Variants in KRT76 observed in about 807,000 individuals in gnomAD.
KRT76 encodes the protein keratin, type II cytoskeletal 2 oral.
A neutral mutation model predicts 44.9 loss-of-function variants in KRT76; 47 were observed. The ratio of observed to expected loss-of-function variants is 1.05; its 90% CI spans 0.83 to 1.33. The LOEUF is 1.33. Among genes scored for constraint, KRT76 ranks in the 40% most tolerant of loss-of-function variants. The probability of loss-of-function intolerance (pLI) is 0.00; values close to 1 mark genes in which losing one functional copy is unlikely to be tolerated. For missense variants in KRT76, 860 were observed against 775.8 expected, an observed-to-expected ratio of 1.11 and a Z score of -1.29; for synonymous variants, 331 against 294.1, an observed-to-expected ratio of 1.13 and a Z score of -1.28.
Position 52,772,292 on chromosome 12 carries a change from G to A in KRT76, c.973-34C>T, listed in dbSNP as rs781104936. The A allele has an allele frequency of 4.4e-5, 68 of 1,550,508 alleles. No individual in the cohort carries two copies. The Admixed American group carries it at 1.2e-3, about 26-fold the overall frequency. On this transcript the variant is annotated intron_variant, in intron 4 of 8. Coordinates refer to ENST00000332411, the MANE Select transcript of KRT76 (RefSeq NM_015848.4). ...AACATGGATAGTTACTCTTACCATC[G>A]CCTGGACCAGGGGATGCTGGGAATC...
chr12:52,769,990 C>T (rs1939155163), intron 7 of KRT76, among the ~76,000 whole-genome samples: 1 of 152,128 alleles, frequency 6.6e-6, no homozygotes, highest in African/African-American at 2.4e-5. Flanking sequence ...ATGGGCCCTC[C>T]TGGGGTGGTG....
Position 52,768,746 on chromosome 12 carries a change from G to A in KRT76, c.1884C>T (p.Thr628=). The change falls in exon 9 of 9, where the codon ACC becomes ACT. Residue 628 remains threonine, a synonymous_variant. Coordinates refer to ENST00000332411, the MANE Select transcript of KRT76 (RefSeq NM_015848.4). ...TGGAGCTATGCTGGCTTGAGCTCGTGGTCTGGGAGAAGCGGATACTGGTGC... is the reference window on the plus strand; with the variant it reads ...TGGAGCTATGCTGGCTTGAGCTCGTAGTCTGGGAGAAGCGGATACTGGTGC... The part of the protein sequence containing the change: ...GGSTSIRFSQ[T]TSSSQHSSTK 1.2e-6 allele frequency: 2 copies of A among 1,605,868 alleles called. No homozygotes were observed. Among genetic ancestry groups the A allele is most frequent in the Non-Finnish European group, 1.7e-6 (2 of 1,173,262 alleles).
chr12:52,775,444 C>T lies in KRT76; in HGVS notation c.759G>A (p.Gly253=). ...TGCTTTTCAGCTCTCCCTCCAGGTT[C>T]CCCCTCTCCCCTAGAAGTGAATCTA... The part of the protein sequence containing the change: ...KQLDSLLGER[G]NLEGELKSMQ... Residue 253 remains glycine, a synonymous_variant, in exon 2 of 9, where the codon GGG becomes GGA. Transcript: ENST00000332411. The T allele has an allele frequency of 1.9e-6, 3 of 1,614,128 alleles. No homozygotes were observed. The highest frequency in any genetic ancestry group is 1.7e-6 in the Non-Finnish European group (2 of 1,179,990).
rs1297181904 is a variant in KRT76 at position 52,777,091 on chromosome 12, G to C, written c.201C>G (p.Ile67Met). The C allele has an allele frequency of 6.2e-7, 1 of 1,614,102 alleles. No individual in the cohort carries two copies. Among genetic ancestry groups the C allele is most frequent in the Non-Finnish European group, 8.5e-7 (1 of 1,180,054 alleles). The change falls in exon 1 of 9, where the codon ATC (isoleucine) becomes ATG (methionine). Residue 67 changes from isoleucine to methionine, a missense_variant. By Grantham distance (10) the Ile-to-Met change is conservative. Transcript: ENST00000332411. ...SLYNLGSNKS[I>M]SISVAAGSSR... ...AGCTGCCAGCTGCCACGCTGATGGA[G>C]ATGCTCTTGTTGCTGCCCAGGTTGT...
At chr12:52,775,690 A>G in intron 1 of KRT76, 88 bp from the exon 2 acceptor site, 2 of 982,924 alleles carry the variant, frequency 2.0e-6, no homozygotes, top group East Asian at 2.4e-5. Context: ...TGGAGAAGGA[A>G]CCCAGTTCTT....
rs749137567 is a variant in KRT76, at chr12:52,770,982, A to G, written c.1484+17T>C. The G allele has an allele frequency of 6.2e-7, 1 of 1,613,950 alleles. No homozygotes were observed. Among genetic ancestry groups the G allele is most frequent in the Non-Finnish European group, 8.5e-7 (1 of 1,179,946 alleles). On this transcript the variant is annotated intron_variant, in intron 7 of 8. Transcript: ENST00000332411. ...CTAAAACCATATCTGGAGAATGGTG[A>G]TCCCATGGCCCCTCACCTGCACTCC...
At chr12:52,775,139 G>A (rs1939240760) in intron 2 of KRT76, among the ~76,000 whole-genome samples, 1 of 152,122 alleles carries the variant, frequency 6.6e-6, no homozygotes, top group Non-Finnish European at 1.5e-5. Flanking sequence ...CTAAACTCTG[G>A]GAGGACTCTT....
At chr12:52,773,075 T>C (rs1224376678) in intron 3 of KRT76, among the ~76,000 whole-genome samples, 197 bp from the exon 4 acceptor site, 1 of 152,210 alleles carries the variant, frequency 6.6e-6, no homozygotes, top group East Asian at 1.9e-4. Context: ...CAAGCCCCAA[T>C]ACTTTAACAA....
intron 2 of KRT76, 79 bp from the exon 3 acceptor site, chr12:52,773,721 C>G (rs555849984): frequency 1.6e-6 from 2 of 1,212,938 alleles, no homozygotes; most frequent in Middle Eastern, 1.9e-4. Flanking sequence ...AGGCACTCTC[C>G]TCACCTGCGC....
rs747405202 is a variant in KRT76, at chr12:52,768,778, C to T, written c.1852G>A (p.Gly618Arg). The change falls in exon 9 of 9, where the codon GGA (glycine) becomes AGA (arginine). Residue 618 changes from glycine (G) to arginine (R), a missense_variant. Coordinates refer to ENST00000332411, the MANE Select transcript of KRT76 (RefSeq NM_015848.4). ...GAGAAGCGGATACTGGTGCTGCCTC[C>T]ACCACCAGACTTGTAGCCACTTCCT... ...SGGSGYKSGGGGSTSIRFSQT... is the reference protein window; with the variant it reads ...SGGSGYKSGGRGSTSIRFSQT... The T allele has an allele frequency of 1.9e-6, 3 of 1,612,932 alleles. No individual in the cohort carries two copies. In the South Asian group the frequency reaches 3.3e-5, roughly 18 times the overall value.
intron 7 of KRT76, 57 bp downstream of exon 7, chr12:52,770,942 T>C: frequency 6.2e-7 from 1 of 1,607,516 alleles, no homozygotes; most frequent in Non-Finnish European, 8.5e-7. Flanking sequence ...CCTTTCCACA[T>C]TATCAAAGGT....
At position 52,771,295 on chromosome 12, in the gene KRT76, C is replaced by CA. The variant is rs574762480; in HGVS notation, c.1264-77dup. Reference sequence around the variant, plus strand: ...CTTACTAGGAGTAGATCTCTTCCCCCACATCCTGCATCCCTTCCTCCCTTT... The same window carrying CA: ...CTTACTAGGAGTAGATCTCTTCCCCCAACATCCTGCATCCCTTCCTCCCTTT... On this transcript the variant is annotated intron_variant, in intron 6 of 8. Coordinates refer to ENST00000332411, the MANE Select transcript of KRT76 (RefSeq NM_015848.4). 323 of 1,348,524 alleles carry CA rather than the reference C, an allele frequency of 2.4e-4. 3 individuals are homozygous for CA. In the Admixed American group the frequency reaches 5.6e-3, roughly 24 times the overall value. 83.5% of individuals were successfully genotyped at this position (1,348,524 alleles called of 1,614,324 possible).
At chr12:52,775,183 T>C (rs530742604) in intron 2 of KRT76, among the ~76,000 whole-genome samples, 10 of 152,296 alleles carry the variant, frequency 6.6e-5, no homozygotes, top group African/African-American at 2.4e-4. Flanking sequence ...AGGGGGCCCA[T>C]CTGGAGCCTG....
chr12:52,772,902 G>A (rs1338444498), intron 3 of KRT76, 24 bp from the exon 4 acceptor site: 8 of 1,568,586 alleles, frequency 5.1e-6, no homozygotes, highest in Non-Finnish European at 8.8e-7. Flanking sequence ...CAGAAACCCA[G>A]AGAATGACCC....
chr12:52,768,965 G>T lies in KRT76; in HGVS notation c.1665C>A (p.Ser555Arg), dbSNP rs140093642. ...TGCTGACCCCTCCATAGCCACTGCC[G>T]CTGCCGCCACTGACTCCATAGCCAC... is the stretch of plus-strand genomic sequence containing the variant. ...SSSGYGVSGGSGSGYGGVSSG... is the reference protein window; with the variant it reads ...SSSGYGVSGGRGSGYGGVSSG... The change falls in exon 9 of 9, where the codon AGC becomes AGA. Residue 555 changes from serine (S) to arginine (R), a missense_variant. Coordinates refer to ENST00000332411, the MANE Select transcript of KRT76 (RefSeq NM_015848.4). 8 of 1,267,282 alleles carry T rather than the reference G, an allele frequency of 6.3e-6. No homozygotes were observed. Among genetic ancestry groups the T allele is most frequent in the Non-Finnish European group, 9.1e-6 (8 of 882,124 alleles). The allele number at this position is 1,267,282 out of a possible 1,614,324, so 78.5% of individuals were successfully genotyped here.
Position 52,771,842 on chromosome 12 carries a change from TG to T in KRT76, c.1263+28del, listed in dbSNP as rs747717045. The T allele has an allele frequency of 5.7e-5, 91 of 1,607,108 alleles. No homozygotes were observed. The African/African-American group carries it at 1.2e-3, about 21-fold the overall frequency. ...TTCTCTCCGGGGCCCAGAAGACCTC[TG>T]GGATCTCTCCGTTAAACCCAGCCCC... On this transcript the variant is annotated intron_variant, in intron 6 of 8. Coordinates refer to ENST00000332411, the MANE Select transcript of KRT76 (RefSeq NM_015848.4).
intron 3 of KRT76, 57 bp downstream of exon 3, chr12:52,773,525 T>C: frequency 1.5e-6 from 2 of 1,342,346 alleles, no homozygotes; most frequent in Non-Finnish European, 2.1e-6. Flanking sequence ...GTGCACTCTC[T>C]CCATGGGGGC....
chr12:52,772,518 C>T (rs777895793), intron 4 of KRT76, among the ~76,000 whole-genome samples: 8 of 152,222 alleles, frequency 5.3e-5, no homozygotes, highest in Non-Finnish European at 1.0e-4. Flanking sequence ...CATGGGCCCC[C>T]AGCAGGGAGG....
chr12:52,770,932 C>G, intron 7 of KRT76, 67 bp downstream of exon 7: 1 of 1,600,456 alleles, frequency 6.2e-7, no homozygotes, highest in Non-Finnish European at 8.6e-7. Flanking sequence ...CATCTTGCCC[C>G]CTTTCCACAT....
Sources: allele counts gnomAD v4.1 joint callset (sites outside exome capture counted in the v4.1 genomes callset), GRCh38; gene constraint gnomAD v4.1.1; transcripts MANE v1.5; gene names NCBI Gene and HGNC (gene_info 2026-07-23, HGNC 2026-07-21).